DTNA: variants seen among roughly 807,000 people sequenced by gnomAD.
DTNA encodes dystrophin-related protein 3.
Under a neutral mutation model 100.7 loss-of-function variants are expected in DTNA, and 43 were observed. The ratio of observed to expected loss-of-function variants is 0.43; its 90% CI spans 0.33 to 0.55. The LOEUF is 0.55. DTNA is among the 20% of genes least tolerant of loss of function. The pLI, the probability that DTNA is intolerant of heterozygous loss-of-function variation, is 0.04. For missense variants in DTNA, 798 were observed against 953.9 expected (o/e 0.84, Z 2.15); for synonymous variants, 349 against 347.9 (o/e 1.00, Z -0.04).
In DTNA at chr18:34,812,068, A is replaced by T; in HGVS notation, c.558A>T (p.Ser186=). The change falls in exon 6 of 23, where the codon TCA becomes TCT. Residue 186 remains serine, a synonymous_variant. Transcript: ENST00000444659. ...KLPTAVFEGP[S]FGYTEQSARS... ...CCACGGCAGTTTTTGAAGGTCCTTC[A>T]TTTGGTTACACAGAACAGTCAGCCA... is the stretch of plus-strand genomic sequence containing the variant. The T allele has an allele frequency of 1.9e-6, 3 of 1,614,084 alleles. No individual in the cohort carries two copies. The highest frequency in any genetic ancestry group is 2.5e-6 in the Non-Finnish European group (3 of 1,179,964).
chr18:34,598,373 C>T (rs1311088392), intron 1 of DTNA, among the ~76,000 whole-genome samples: 1 of 151,948 alleles, frequency 6.6e-6, no homozygotes, highest in Non-Finnish European at 1.5e-5. Context: ...AAATCTAGTC[C>T]AGAATGTTAA....
intron 1 of DTNA, among the ~76,000 whole-genome samples, chr18:34,611,016 T>A (rs2054109320): frequency 6.6e-6 from 1 of 152,230 alleles, no homozygotes; most frequent in Non-Finnish European, 1.5e-5. Flanking sequence ...TAGAAAAGGC[T>A]AAGACAGAAA....
chr18:34,770,729 C>T (rs1484520266), intron 3 of DTNA, among the ~76,000 whole-genome samples: 1 of 151,448 alleles, frequency 6.6e-6, no homozygotes, highest in Non-Finnish European at 1.5e-5. Flanking sequence ...TAACAGGGAA[C>T]ACTAACTTGT....
At chr18:34,751,546 C>T (rs1310721242) in intron 1 of DTNA, among the ~76,000 whole-genome samples, 1 of 152,228 alleles carries the variant, frequency 6.6e-6, no homozygotes, top group Non-Finnish European at 1.5e-5. Context: ...CTCACACTTG[C>T]ACCCAGCAAT....
chr18:34,752,758 C>T (rs2092427375), intron 1 of DTNA, among the ~76,000 whole-genome samples: 1 of 151,986 alleles, frequency 6.6e-6, no homozygotes, highest in Middle Eastern at 3.2e-3. Flanking sequence ...AGAATTAATA[C>T]CTATTGTGTA....
At chr18:34,725,908 C>T (rs545692495) in intron 1 of DTNA, among the ~76,000 whole-genome samples, 17 of 152,254 alleles carry the variant, frequency 1.1e-4, no homozygotes, top group African/African-American at 4.1e-4. Flanking sequence ...CCATGGAATA[C>T]TATGCAGCCA....
chr18:34,708,551 C>T (rs1600565768), upstream of DTNA, among the ~76,000 whole-genome samples: 1 of 152,164 alleles, frequency 6.6e-6, no homozygotes, highest in African/African-American at 2.4e-5. Context: ...ATATGCTTAA[C>T]CTTCTGACTG....
intron 3 of DTNA, among the ~76,000 whole-genome samples, chr18:34,787,218 C>T (rs1471424260): frequency 6.6e-6 from 1 of 152,166 alleles, no homozygotes; most frequent in Non-Finnish European, 1.5e-5. Flanking sequence ...GTCTACTGAC[C>T]TTTCTCAGCT....
At position 34,696,192 on chromosome 18, in the gene DTNA, A is replaced by G. The variant is rs950563354; in HGVS notation, c.-1-59784A>G. Reference sequence around the variant, plus strand: ...ATACCCCTGTCTTAAAGTGTGTTACATTTTAAAGGGAAAAGAGAACATTAC... The same window carrying G: ...ATACCCCTGTCTTAAAGTGTGTTACGTTTTAAAGGGAAAAGAGAACATTAC... On this transcript the variant is annotated intron_variant, in intron 1 of 19. Transcript: ENST00000283365. 5.9e-5 allele frequency among the ~76,000 whole-genome samples: 9 copies of G among 152,308 alleles called. No homozygotes were observed. In the East Asian group the frequency reaches 7.7e-4, roughly 13 times the overall value.
intron 16 of DTNA, 110 bp from the exon 17 acceptor site, chr18:34,863,856 G>T: frequency 9.7e-7 from 1 of 1,025,866 alleles, no homozygotes; most frequent in South Asian, 1.4e-5. Context: ...AACCTTGTCA[G>T]AGACCCAGAG....
chr18:34,595,044 A>C (rs534806303), intron 1 of DTNA, among the ~76,000 whole-genome samples: 1 of 152,276 alleles, frequency 6.6e-6, no homozygotes, highest in Non-Finnish European at 1.5e-5. Context: ...CTTATAATTA[A>C]CCCCTTTAGG....
intron 1 of DTNA, among the ~76,000 whole-genome samples, chr18:34,659,564 C>T (rs2074875117): frequency 6.6e-6 from 1 of 152,024 alleles, no homozygotes; most frequent in Non-Finnish European, 1.5e-5. Context: ...CATGTTTTTC[C>T]TTACACAAGA....
intron 3 of DTNA, among the ~76,000 whole-genome samples, chr18:34,786,795 A>G (rs1233632585): frequency 3.9e-5 from 6 of 152,148 alleles, no homozygotes; most frequent in Non-Finnish European, 7.3e-5. Context: ...TAAGCCTCAA[A>G]CCCTTCTAAA....
intron 3 of DTNA, among the ~76,000 whole-genome samples, chr18:34,790,367 T>C (rs2094672862): frequency 6.8e-6 from 1 of 147,604 alleles, no homozygotes; most frequent in Non-Finnish European, 1.5e-5. Context: ...GGAGACAGGG[T>C]TTCTGATCCA....
intron 21 of DTNA, among the ~76,000 whole-genome samples, chr18:34,883,684 A>T (rs935980219): frequency 7.9e-5 from 12 of 152,172 alleles, no homozygotes; most frequent in Admixed American, 1.3e-4. Context: ...GAGAGAAGAA[A>T]TTATCTCCTA....
chr18:34,837,272 A>C (rs1025628059), intron 11 of DTNA, among the ~76,000 whole-genome samples: 4 of 152,226 alleles, frequency 2.6e-5, no homozygotes, highest in African/African-American at 9.6e-5. Flanking sequence ...TAATACTAAG[A>C]ATCAATACCA....
intron 1 of DTNA, among the ~76,000 whole-genome samples, chr18:34,639,304 A>T (rs942619201): frequency 1.3e-5 from 2 of 152,228 alleles, no homozygotes; most frequent in African/African-American, 4.8e-5. Flanking sequence ...GCCAAATAGC[A>T]TCACCCTGTC....
At chr18:34,682,081 C>T (rs61450494) in intron 1 of DTNA, among the ~76,000 whole-genome samples, 2 of 152,064 alleles carry the variant, frequency 1.3e-5, no homozygotes, top group Non-Finnish European at 1.5e-5. Flanking sequence ...GCCTCTTTCA[C>T]TCAGTAATAT....
intron 1 of DTNA, among the ~76,000 whole-genome samples, chr18:34,585,672 G>A (rs1350761461): frequency 6.6e-6 from 1 of 152,080 alleles, no homozygotes; most frequent in African/African-American, 2.4e-5. Flanking sequence ...ATCCTACATA[G>A]AATCCTTATC....
Sources: allele counts gnomAD v4.1 joint callset (sites outside exome capture counted in the v4.1 genomes callset), GRCh38; gene constraint gnomAD v4.1.1; transcripts MANE v1.5; gene names NCBI Gene and HGNC (gene_info 2026-07-23, HGNC 2026-07-21).